Variants in SMYD3 observed in about 807,000 individuals in gnomAD.
SMYD3 encodes SET and MYND domain containing 3.
A neutral mutation model predicts 57.7 loss-of-function variants in SMYD3; 36 were observed. That is an observed-to-expected ratio of 0.62 (90% CI 0.48 to 0.82). The LOEUF is 0.82. SMYD3 is among the 40% of genes least tolerant of loss of function. The pLI, the probability that SMYD3 is intolerant of heterozygous loss-of-function variation, is 0.00. For synonymous variants in SMYD3, 211 were observed against 195.0 expected, an observed-to-expected ratio of 1.08 and a Z score of -0.68; for missense variants, 515 against 538.8, an observed-to-expected ratio of 0.96 and a Z score of 0.44.
At chr1:246,053,853 G>C (rs886117521) in intron 5 of SMYD3, among the ~76,000 whole-genome samples, 1 of 151,480 alleles carries the variant, frequency 6.6e-6, no homozygotes, top group African/African-American at 2.4e-5. Context: ...GAAAATATTT[G>C]TGACTTTCCC....
chr1:246,145,168 C>T (rs2061823826), intron 5 of SMYD3, among the ~76,000 whole-genome samples: 1 of 152,182 alleles, frequency 6.6e-6, no homozygotes, highest in East Asian at 1.9e-4. Flanking sequence ...TGAGACTACA[C>T]ATGCCTGGCT....
chr1:246,036,361 C>A (rs891444774), intron 5 of SMYD3, among the ~76,000 whole-genome samples: 6 of 152,060 alleles, frequency 3.9e-5, no homozygotes, highest in Admixed American at 1.3e-4. Flanking sequence ...ACAGGATGAC[C>A]ATCCCCCCAT....
chr1:245,901,882 A>G (rs1000502139), intron 8 of SMYD3, among the ~76,000 whole-genome samples: 3 of 152,174 alleles, frequency 2.0e-5, no homozygotes, highest in African/African-American at 7.2e-5. Context: ...GATGCCTGCC[A>G]TCCTAGCCAC....
chr1:246,350,185 C>G (rs1331688960), intron 2 of SMYD3, among the ~76,000 whole-genome samples: 1 of 152,214 alleles, frequency 6.6e-6, no homozygotes, highest in Non-Finnish European at 1.5e-5. Flanking sequence ...CACCTACTCA[C>G]AGGTGAGTTT....
chr1:245,885,329 C>T lies in SMYD3; in HGVS notation c.814-21443G>A, dbSNP rs112868577. 3.4e-3 allele frequency among the ~76,000 whole-genome samples: 513 copies of T among 152,302 alleles called. 4 individuals are homozygous for T. Among genetic ancestry groups the T allele is most frequent in the African/African-American group, 0.012 (488 of 41,566 alleles). ...AGAACCCACCGGAAGGAACCAATTC[C>T]GGACACACCACCATGTTGAACATGC... On this transcript the variant is annotated intron_variant, in intron 8 of 11. Coordinates refer to ENST00000490107, the MANE Select transcript of SMYD3 (RefSeq NM_001167740.2).
chr1:246,360,222 A>AAAAAT (rs1017403082), intron 1 of SMYD3, among the ~76,000 whole-genome samples: 8 of 152,204 alleles, frequency 5.3e-5, no homozygotes, highest in Non-Finnish European at 1.0e-4. Context: ...ATAGCTGCAA[A>AAAAAT]AAAATAAAAT....
intron 1 of SMYD3, among the ~76,000 whole-genome samples, chr1:246,377,839 T>C (rs1050720849): frequency 2.6e-5 from 4 of 152,208 alleles, no homozygotes; most frequent in African/African-American, 9.6e-5. Flanking sequence ...ATTTTGCATA[T>C]TGACAAACAG....
chr1:246,286,396 A>G (rs928494740), intron 5 of SMYD3, among the ~76,000 whole-genome samples: 1 of 152,158 alleles, frequency 6.6e-6, no homozygotes, highest in Non-Finnish European at 1.5e-5. Context: ...ATGCCTCTTA[A>G]AAACAAATAT....
At chr1:246,255,927 A>AAGATAGATAGATAGATAGAT (rs55974041) in intron 5 of SMYD3, among the ~76,000 whole-genome samples, 4 of 121,294 alleles carry the variant, frequency 3.3e-5, no homozygotes, top group South Asian at 3.1e-4. Context: ...CATAACTAAT[A>AAGATAGATAGATAGATAGAT]AGATAGATAG....
chr1:245,845,018 C>T (rs2050594135), intron 10 of SMYD3, among the ~76,000 whole-genome samples: 1 of 152,202 alleles, frequency 6.6e-6, no homozygotes, highest in Non-Finnish European at 1.5e-5. Flanking sequence ...TTTCCGTGTA[C>T]CCCTACTCAC....
chr1:245,841,617 T>C (rs929814077), intron 10 of SMYD3, among the ~76,000 whole-genome samples: 12 of 152,180 alleles, frequency 7.9e-5, no homozygotes, highest in African/African-American at 2.4e-5. Context: ...GAAAGAACAT[T>C]AAAAATTCTT....
At chr1:246,505,499 T>C (rs139874843) in intron 1 of SMYD3, among the ~76,000 whole-genome samples, 5 of 152,298 alleles carry the variant, frequency 3.3e-5, no homozygotes, top group African/African-American at 1.2e-4. Context: ...GAATCCAATA[T>C]TATCAGGCGA....
At chr1:246,021,229 TCACCAAA>T (rs1441086949) in intron 5 of SMYD3, among the ~76,000 whole-genome samples, 1 of 152,202 alleles carries the variant, frequency 6.6e-6, no homozygotes, top group Non-Finnish European at 1.5e-5. Flanking sequence ...GCCCTTGCTG[TCACCAAA>T]CAGCAAAGTT....
intron 1 of SMYD3, among the ~76,000 whole-genome samples, chr1:246,406,173 C>T (rs970222249): frequency 4.6e-5 from 7 of 152,004 alleles, no homozygotes; most frequent in Non-Finnish European, 1.0e-4. Context: ...ATCTGCCTGC[C>T]TCAGCTTCCC....
At chr1:246,479,156 C>G (rs1367310852) in intron 1 of SMYD3, among the ~76,000 whole-genome samples, 1 of 151,352 alleles carries the variant, frequency 6.6e-6, no homozygotes, top group Non-Finnish European at 1.5e-5. Flanking sequence ...TATATGTAAA[C>G]CTGTCCTCTG....
At chr1:245,930,200 C>G in intron 5 of SMYD3, 1 of 509,906 alleles carries the variant, frequency 2.0e-6, no homozygotes, top group South Asian at 1.7e-5. Context: ...AGCAGAGGAA[C>G]CATTAATTTC....
intron 8 of SMYD3, among the ~76,000 whole-genome samples, chr1:245,882,256 C>T (rs116220369): frequency 3.4e-3 from 512 of 152,252 alleles, no homozygotes; most frequent in African/African-American, 0.011. Context: ...TTGACTTAAC[C>T]TCATTCTGGC....
At chr1:246,117,636 T>C (rs77552607) in intron 5 of SMYD3, among the ~76,000 whole-genome samples, 4,371 of 152,260 alleles carry the variant, frequency 0.029, 163 homozygotes, top group East Asian at 0.15. Context: ...TCTCTCTCCC[T>C]TCAACTTAGA....
intron 1 of SMYD3, among the ~76,000 whole-genome samples, chr1:246,417,624 T>C (rs1416598470): frequency 6.6e-6 from 1 of 152,120 alleles, no homozygotes; most frequent in African/African-American, 2.4e-5. Flanking sequence ...TTTACCAGAA[T>C]GCAAAGGTCT....
Sources: allele counts gnomAD v4.1 joint callset (sites outside exome capture counted in the v4.1 genomes callset), GRCh38; gene constraint gnomAD v4.1.1; transcripts MANE v1.5; gene names NCBI Gene and HGNC (gene_info 2026-07-23, HGNC 2026-07-21).